PELI2: variants seen among roughly 807,000 people sequenced by gnomAD.
The protein encoded by PELI2 is E3 ubiquitin-protein ligase pellino homolog 2.
Under a neutral mutation model 42.3 loss-of-function variants are expected in PELI2, and 23 were observed. The observed-to-expected ratio is 0.54, with a 90% CI of 0.39 to 0.77. PELI2 has a LOEUF of 0.77. Ranked by LOEUF, PELI2 falls within the 30% of genes least tolerant of loss-of-function variation. The pLI is 0.00. For missense variants in PELI2, 463 were observed against 553.2 expected (o/e 0.84, Z 1.64); for synonymous variants, 245 against 212.2 (o/e 1.15, Z -1.34).
chr14:56,196,518 A>G (rs1051368663), intron 2 of PELI2, among the ~76,000 whole-genome samples: 2 of 152,214 alleles, frequency 1.3e-5, no homozygotes, highest in Non-Finnish European at 2.9e-5. Context: ...TGGCTGAAAG[A>G]AAAAAATCTG....
intron 2 of PELI2, among the ~76,000 whole-genome samples, chr14:56,232,676 G>A (rs1020715823): frequency 2.7e-5 from 4 of 150,722 alleles, no homozygotes; most frequent in East Asian, 1.9e-4. Context: ...AAAACTGGAA[G>A]CATTCCCTTT....
At chr14:56,188,823 T>C (rs1885859886) in intron 2 of PELI2, among the ~76,000 whole-genome samples, 1 of 152,224 alleles carries the variant, frequency 6.6e-6, no homozygotes, top group African/African-American at 2.4e-5. Context: ...TGTAGGCTCT[T>C]GGGCAAAAGA....
chr14:56,119,794 T>C, intron 1 of PELI2: 1 of 984,670 alleles, frequency 1.0e-6, no homozygotes, highest in African/African-American at 1.7e-5. Context: ...GATGTGTCGC[T>C]CTGGGAACCC....
Position 56,178,461 on chromosome 14 carries a change from C to G in PELI2, c.204C>G (p.Ser68=). ...ATGTGATATCCACGCCCCAGGCATC[C>G]AAGGTAGGTGGGTCTGTCAAGAGTT... ...TVHVISTPQA[S]KAISCKGQHS... The change falls in exon 2 of 6, where the codon TCC becomes TCG. Residue 68 remains serine, a synonymous_variant. Coordinates refer to ENST00000267460, the MANE Select transcript of PELI2 (RefSeq NM_021255.3). The G allele has an allele frequency of 6.2e-7, 1 of 1,614,122 alleles. No individual in the cohort carries two copies. The highest frequency in any genetic ancestry group is 8.5e-7 in the Non-Finnish European group (1 of 1,179,992).
At chr14:56,275,169 A>G (rs1218049023) in intron 2 of PELI2, among the ~76,000 whole-genome samples, 1 of 152,160 alleles carries the variant, frequency 6.6e-6, no homozygotes, top group Non-Finnish European at 1.5e-5. Context: ...CGTGTGTTCG[A>G]GGCACATGCA....
chr14:56,295,378 TC>T (rs1274839069), intron 5 of PELI2, among the ~76,000 whole-genome samples: 1 of 151,908 alleles, frequency 6.6e-6, no homozygotes, highest in African/African-American at 2.4e-5. Flanking sequence ...ACTGCGTCCA[TC>T]CTTGTTCAGC....
chr14:56,130,226 T>C (rs899869503), intron 1 of PELI2, among the ~76,000 whole-genome samples: 2 of 152,156 alleles, frequency 1.3e-5, no homozygotes, highest in Admixed American at 1.3e-4. Context: ...GGGTTCTTTG[T>C]AAAGTGCTAT....
intron 3 of PELI2, among the ~76,000 whole-genome samples, chr14:56,284,907 G>T (rs1889598401): frequency 6.6e-6 from 1 of 152,158 alleles, no homozygotes. Flanking sequence ...GAGCGCAAAG[G>T]CTCCAAGTCA....
chr14:56,166,624 A>AT (rs1027229393), intron 1 of PELI2, among the ~76,000 whole-genome samples: 17 of 151,708 alleles, frequency 1.1e-4, no homozygotes, highest in African/African-American at 3.9e-4. Context: ...TCTTTGAAGG[A>AT]TTTTTTTTCT....
intron 2 of PELI2, among the ~76,000 whole-genome samples, chr14:56,230,675 G>A (rs1887528080): frequency 6.6e-6 from 1 of 152,136 alleles, no homozygotes; most frequent in South Asian, 2.1e-4. Flanking sequence ...ATTGATGCTA[G>A]GAAGAAACTC....
intron 1 of PELI2, among the ~76,000 whole-genome samples, chr14:56,162,821 T>C (rs941765453): frequency 6.6e-6 from 1 of 152,248 alleles, no homozygotes; most frequent in Non-Finnish European, 1.5e-5. Flanking sequence ...GGTGAAATGA[T>C]ATCTCATTGT....
chr14:56,133,772 T>A (rs1883581902), intron 1 of PELI2, among the ~76,000 whole-genome samples: 1 of 152,184 alleles, frequency 6.6e-6, no homozygotes, highest in Non-Finnish European at 1.5e-5. Flanking sequence ...GGATCTCTAG[T>A]GAGCTTTCTG....
At chr14:56,187,962 G>T (rs1199265650) in intron 2 of PELI2, among the ~76,000 whole-genome samples, 1 of 152,184 alleles carries the variant, frequency 6.6e-6, no homozygotes, top group African/African-American at 2.4e-5. Context: ...GACCTTCGCA[G>T]GGGGCGTTGT....
At chr14:56,209,060 A>G (rs1028673073) in intron 2 of PELI2, among the ~76,000 whole-genome samples, 1 of 152,266 alleles carries the variant, frequency 6.6e-6, no homozygotes, top group Non-Finnish European at 1.5e-5. Flanking sequence ...TTTGATAAGT[A>G]TAATGAAATA....
rs1186192632 is a variant in PELI2 at position 56,300,602 on chromosome 14, T to G, written c.*3436T>G. 6.6e-6 allele frequency: 1 copy of G among 152,228 alleles called. No homozygotes were observed. Among genetic ancestry groups the G allele is most frequent in the Non-Finnish European group, 1.5e-5 (1 of 68,048 alleles). The allele number at this position is 152,228 out of a possible 1,614,324, so 9.4% of individuals were successfully genotyped here. Reference sequence around the variant, plus strand: ...TGGTTTTGTTTCACTTCTTTTCTTTTTTAAAGCCATTCTGTTCTTTGGATG... The same window carrying G: ...TGGTTTTGTTTCACTTCTTTTCTTTGTTAAAGCCATTCTGTTCTTTGGATG... On this transcript the variant is annotated 3_prime_UTR_variant, in exon 6 of 6. Coordinates refer to ENST00000267460, the MANE Select transcript of PELI2 (RefSeq NM_021255.3).
intron 2 of PELI2, among the ~76,000 whole-genome samples, chr14:56,264,265 A>T (rs771767133): frequency 8.5e-5 from 13 of 152,152 alleles, no homozygotes; most frequent in Admixed American, 7.2e-4. Flanking sequence ...ACTGTTTGAA[A>T]TGTTCCCCCA....
intron 2 of PELI2, among the ~76,000 whole-genome samples, chr14:56,189,044 C>T (rs1198192599): frequency 1.3e-5 from 2 of 152,172 alleles, no homozygotes; most frequent in Admixed American, 1.3e-4. Context: ...CCTGTAGTCC[C>T]AGCTACTGGG....
At chr14:56,148,102 A>T (rs1446366930) in intron 1 of PELI2, among the ~76,000 whole-genome samples, 2 of 152,200 alleles carry the variant, frequency 1.3e-5, no homozygotes, top group African/African-American at 2.4e-5. Flanking sequence ...GGCAGCTGGC[A>T]CTATAAGCTG....
rs1246999473 is a variant in PELI2 at position 56,273,302 on chromosome 14, A to G, written c.208-6374A>G. Among the ~76,000 whole-genome samples the G allele has an allele frequency of 6.6e-6, 1 of 152,116 alleles. No homozygotes were observed. The highest frequency in any genetic ancestry group is 1.5e-5 in the Non-Finnish European group (1 of 68,018). On this transcript the variant is annotated intron_variant, in intron 2 of 5. Coordinates refer to ENST00000267460, the MANE Select transcript of PELI2 (RefSeq NM_021255.3). The surrounding 1 kb of genome is among the most constrained non-coding windows in gnomAD (Gnocchi z 4.3). ...TCAGGCTTCTTGCCCACAGCTGGGA[A>G]CCCCCAGAGCGGCAAATGGAAGCTG...
Sources: gnomAD v4.1 joint callset for allele counts (sites outside exome capture counted in the v4.1 genomes callset) on GRCh38, gnomAD v4.1.1 for gene constraint, Gnocchi (gnomAD v3.1) non-coding constraint, MANE v1.5 for transcripts, NCBI Gene and HGNC (gene_info 2026-07-23, HGNC 2026-07-21) for gene names.